MYO16: variants seen among roughly 807,000 people sequenced by gnomAD.
MYO16 encodes myosin XVI.
Under a neutral mutation model 205.3 loss-of-function variants are expected in MYO16, and 94 were observed. The ratio of observed to expected loss-of-function variants is 0.46; its 90% CI spans 0.39 to 0.54. The LOEUF is 0.54. Ranked by LOEUF, MYO16 falls within the 20% of genes least tolerant of loss-of-function variation. The pLI, the probability that MYO16 is intolerant of heterozygous loss-of-function variation, is 0.00. For synonymous variants in MYO16, 988 were observed against 954.0 expected (o/e 1.04, Z -0.66); for missense variants, 2,315 against 2,387.5 (o/e 0.97, Z 0.63).
chr13:108,853,833 A>T (rs1024543616), intron 10 of MYO16, among the ~76,000 whole-genome samples: 1 of 152,034 alleles, frequency 6.6e-6, no homozygotes, highest in African/African-American at 2.4e-5. Context: ...TTTCCTGCTT[A>T]TAGAAATGGT....
the MYO16 span, among the ~76,000 whole-genome samples, chr13:108,499,433 C>T: frequency 2.0e-5 from 3 of 152,004 alleles, no homozygotes; most frequent in Non-Finnish European, 4.4e-5. Context: ...GGACCACAAC[C>T]TTCTGCTGAG....
rs111891074 is a variant in MYO16, at chr13:108,823,525, T to C, written c.1097+247T>C. 3.8e-3 allele frequency among the ~76,000 whole-genome samples: 576 copies of C among 152,282 alleles called. 3 individuals carry two copies. Among genetic ancestry groups the C allele is most frequent in the South Asian group, 0.023 (113 of 4,826 alleles). ...CAATTTCATGTGCCATGAGACCAAA[T>C]AATATTTTAAACACATTCCAAGATT... On this transcript the variant is annotated intron_variant, in intron 9 of 34. Coordinates refer to ENST00000457511, the MANE Select transcript of MYO16 (RefSeq NM_001198950.3).
chr13:109,190,164 G>C (rs888731549), intron 34 of MYO16, among the ~76,000 whole-genome samples: 1 of 151,930 alleles, frequency 6.6e-6, no homozygotes, highest in South Asian at 2.1e-4. Context: ...TTATTTTACT[G>C]CTATCTGCCA....
intron 16 of MYO16, among the ~76,000 whole-genome samples, chr13:108,937,875 T>A (rs943806026): frequency 6.6e-6 from 1 of 152,216 alleles, no homozygotes; most frequent in African/African-American, 2.4e-5. Flanking sequence ...GCTTTACCTG[T>A]CATTTCTGAC....
chr13:108,824,177 C>A (rs1876134209), intron 9 of MYO16, among the ~76,000 whole-genome samples: 1 of 151,802 alleles, frequency 6.6e-6, no homozygotes, highest in Non-Finnish European at 1.5e-5. Context: ...GTACCCAGAG[C>A]AATATTATAA....
Position 109,032,806 on chromosome 13 carries a change from T to G in MYO16, c.2796+12895T>G, listed in dbSNP as rs143838700. On this transcript the variant is annotated intron_variant, in intron 23 of 34. Coordinates refer to ENST00000457511, the MANE Select transcript of MYO16 (RefSeq NM_001198950.3). ...TTAGAGGAACTTTAACTTTTAGCAC[T>G]TTAACTACATGGAAATGTAGATTTC... Among the ~76,000 whole-genome samples, 15 of 152,282 alleles carry G rather than the reference T, an allele frequency of 9.9e-5. 1 individual carries two copies. Among genetic ancestry groups the G allele is most frequent in the Admixed American group, 7.2e-4 (11 of 15,308 alleles).
chr13:108,649,140 G>A (rs974193554), intron 1 of MYO16, among the ~76,000 whole-genome samples: 1 of 151,818 alleles, frequency 6.6e-6, no homozygotes, highest in Non-Finnish European at 1.5e-5. Flanking sequence ...TGAGTTAATG[G>A]GTGCAGCACA....
At chr13:109,008,413 T>C (rs1195650915) in intron 21 of MYO16, among the ~76,000 whole-genome samples, 1 of 141,072 alleles carries the variant, frequency 7.1e-6, no homozygotes, top group African/African-American at 2.7e-5. Flanking sequence ...TGCACTACTG[T>C]ACTATCTATC....
intron 4 of MYO16, among the ~76,000 whole-genome samples, chr13:108,763,994 G>T (rs748698619): frequency 2.0e-5 from 3 of 152,142 alleles, no homozygotes; most frequent in Non-Finnish European, 4.4e-5. Context: ...AGGAAAGCCA[G>T]ATGTTTGTAT....
At chr13:108,899,717 G>C (rs1880614543) in intron 15 of MYO16, among the ~76,000 whole-genome samples, 1 of 152,186 alleles carries the variant, frequency 6.6e-6, no homozygotes, top group Admixed American at 6.5e-5. Flanking sequence ...TGAGCTCTCA[G>C]TGACTGGTGG....
intron 7 of MYO16, among the ~76,000 whole-genome samples, chr13:108,809,073 A>C (rs1594311021): frequency 6.6e-6 from 1 of 152,234 alleles, no homozygotes; most frequent in African/African-American, 2.4e-5. Flanking sequence ...TCATGAACTC[A>C]CATGACAACT....
At chr13:108,608,545 ATATG>A (rs923115732) in intron 1 of MYO16, among the ~76,000 whole-genome samples, 1 of 152,134 alleles carries the variant, frequency 6.6e-6, no homozygotes, top group Non-Finnish European at 1.5e-5. Context: ...CACAATTGCT[ATATG>A]TATGTTAAAC....
rs369862114 is a variant in MYO16, at chr13:108,604,673, G to A, written c.-39+8434G>A. Among the ~76,000 whole-genome samples the A allele has an allele frequency of 7.9e-5, 12 of 152,254 alleles. No individual in the cohort carries two copies. The East Asian group carries it at 2.1e-3, about 27-fold the overall frequency. On this transcript the variant is annotated intron_variant, in intron 1 of 24. Coordinates refer to the MYO16 transcript ENST00000251041. ...GATTCTGAACTTTTCTATCATAAAT[G>A]TTAGTGTAATCCTTGACTTTTTTTA...
chr13:108,973,643 T>C (rs1184314210), intron 20 of MYO16, among the ~76,000 whole-genome samples: 1 of 152,082 alleles, frequency 6.6e-6, no homozygotes, highest in Non-Finnish European at 1.5e-5. Flanking sequence ...GTCTCAAAAC[T>C]AGTGACTCCA....
intron 2 of MYO16, among the ~76,000 whole-genome samples, chr13:108,703,223 T>A (rs1883377329): frequency 6.6e-6 from 1 of 152,074 alleles, no homozygotes; most frequent in Non-Finnish European, 1.5e-5. Context: ...AAGTCAAACG[T>A]GGGAAATCAT....
intron 14 of MYO16, among the ~76,000 whole-genome samples, chr13:108,889,051 CAA>C (rs879777464): frequency 7.9e-6 from 1 of 127,022 alleles, no homozygotes; most frequent in Non-Finnish European, 1.7e-5. Flanking sequence ...AACTCTGTCT[CAA>C]AAAAAAAAAG....
chr13:109,008,739 TGTATGCACTACTGTA>T, intron 21 of MYO16, among the ~76,000 whole-genome samples, 143 bp from the exon 22 acceptor site: 1 of 148,472 alleles, frequency 6.7e-6, no homozygotes, highest in South Asian at 2.3e-4. Context: ...ATCTATCTTG[TGTATGCACTACTGTA>T]CTATCTTGTG....
At chr13:108,871,512 C>T (rs951603794) in intron 12 of MYO16, among the ~76,000 whole-genome samples, 70 of 152,246 alleles carry the variant, frequency 4.6e-4, no homozygotes, top group African/African-American at 1.6e-3. Flanking sequence ...TCCTAGCAGG[C>T]ACATAAGTTG....
intron 34 of MYO16, among the ~76,000 whole-genome samples, chr13:109,203,889 G>A (rs1016063530): frequency 2.6e-5 from 4 of 152,190 alleles, no homozygotes; most frequent in African/African-American, 9.7e-5. Context: ...CCCTGTGGAC[G>A]ATGGCTGTGC....
Sources: allele counts gnomAD v4.1 joint callset (sites outside exome capture counted in the v4.1 genomes callset), GRCh38; gene constraint gnomAD v4.1.1; transcripts MANE v1.5; gene names NCBI Gene and HGNC (gene_info 2026-07-23, HGNC 2026-07-21).